The following SEMA5A variants were observed in gnomAD, a reference collection of about 807,000 sequenced individuals.
SEMA5A encodes semaphorin 5A.
Under a neutral mutation model 135.5 loss-of-function variants are expected in SEMA5A, and 55 were observed. That is an observed-to-expected ratio of 0.41 (90% CI 0.33 to 0.51). SEMA5A has a LOEUF of 0.51. Among genes scored for constraint, SEMA5A ranks in the 20% least tolerant of loss-of-function variants. The probability of loss-of-function intolerance (pLI) is 0.37; values close to 1 mark genes in which losing one functional copy is unlikely to be tolerated. For synonymous variants in SEMA5A, 580 were observed against 546.5 expected, an observed-to-expected ratio of 1.06 and a Z score of -0.85; for missense variants, 1,290 against 1,419.9, an observed-to-expected ratio of 0.91 and a Z score of 1.47.
intron 11 of SEMA5A, among the ~76,000 whole-genome samples, chr5:9,181,194 A>G (rs1229387799): frequency 1.3e-5 from 2 of 152,044 alleles, no homozygotes; most frequent in African/African-American, 4.8e-5. Flanking sequence ...AACCTCCCCA[A>G]CTTGGGGACC....
chr5:9,268,040 G>A (rs886098092), intron 5 of SEMA5A, among the ~76,000 whole-genome samples: 2 of 152,058 alleles, frequency 1.3e-5, no homozygotes, highest in Non-Finnish European at 2.9e-5. Context: ...TTAAAAATTT[G>A]AGCCATGTAA....
At chr5:9,216,396 T>C (rs1156566668) in intron 8 of SEMA5A, among the ~76,000 whole-genome samples, 4 of 152,312 alleles carry the variant, frequency 2.6e-5, no homozygotes, top group Non-Finnish European at 4.4e-5. Flanking sequence ...AGGATTGTTT[T>C]ATGTCTAATT....
chr5:9,329,649 C>A (rs1753030650), intron 4 of SEMA5A, among the ~76,000 whole-genome samples: 1 of 152,242 alleles, frequency 6.6e-6, no homozygotes, highest in Admixed American at 6.5e-5. Context: ...CAGTCTGTAG[C>A]ACATGTACAT....
At chr5:9,482,947 T>C (rs1437831058) in intron 1 of SEMA5A, among the ~76,000 whole-genome samples, 2 of 152,254 alleles carry the variant, frequency 1.3e-5, no homozygotes, top group Admixed American at 6.5e-5. Flanking sequence ...TTCTTAGGAA[T>C]TTAAAAATTC....
chr5:9,040,097 A>G lies in SEMA5A; in HGVS notation c.*2800T>C, dbSNP rs901699528. ...ATGTCATTTTACATCAGGTGCAGAA[A>G]GGTGTAGCTTAAAACTATGTGTTGG... On this transcript the variant is annotated 3_prime_UTR_variant, in exon 23 of 23. Transcript: ENST00000382496. The G allele has an allele frequency of 2.5e-4, 38 of 152,262 alleles. No individual in the cohort carries two copies. The highest frequency in any genetic ancestry group is 9.2e-4 in the African/African-American group (38 of 41,468). The allele number at this position is 152,262 out of a possible 1,614,324, so 9.4% of individuals were successfully genotyped here.
At chr5:9,238,563 T>C (rs1748032895) in intron 5 of SEMA5A, among the ~76,000 whole-genome samples, 1 of 152,136 alleles carries the variant, frequency 6.6e-6, no homozygotes, top group Non-Finnish European at 1.5e-5. Flanking sequence ...TGCTTCCACG[T>C]CTGATGCTAA....
At chr5:9,328,725 G>A (rs570769653) in intron 4 of SEMA5A, among the ~76,000 whole-genome samples, 2 of 152,214 alleles carry the variant, frequency 1.3e-5, no homozygotes, top group Admixed American at 6.5e-5. Flanking sequence ...GCAGTGAGCC[G>A]AGATCATACC....
chr5:9,499,995 G>A (rs1735498180), intron 1 of SEMA5A, among the ~76,000 whole-genome samples: 1 of 152,004 alleles, frequency 6.6e-6, no homozygotes, highest in Admixed American at 6.5e-5. Context: ...AAAACAATAA[G>A]AAAATATATG....
At chr5:9,054,279 C>T (rs1736766456) in intron 18 of SEMA5A, 22 bp from the exon 19 acceptor site, 1 of 1,606,072 alleles carries the variant, frequency 6.2e-7, no homozygotes, top group Non-Finnish European at 8.5e-7. Flanking sequence ...CACAATGTCA[C>T]AGCTCTTCTA....
chr5:9,242,856 T>C (rs999897453), intron 5 of SEMA5A, among the ~76,000 whole-genome samples: 8 of 152,234 alleles, frequency 5.3e-5, no homozygotes, highest in Non-Finnish European at 5.9e-5. Context: ...CATCCCACTA[T>C]TTTTTGATTC....
intron 12 of SEMA5A, among the ~76,000 whole-genome samples, chr5:9,151,208 T>C (rs1441294371): frequency 6.6e-6 from 1 of 152,210 alleles, no homozygotes; most frequent in African/African-American, 2.4e-5. Flanking sequence ...TCAGTTATCA[T>C]TTATACACAT....
intron 1 of SEMA5A, among the ~76,000 whole-genome samples, chr5:9,480,968 T>C (rs912584135): frequency 2.0e-5 from 3 of 152,110 alleles, no homozygotes; most frequent in Non-Finnish European, 4.4e-5. Context: ...TTTTTTGAGA[T>C]AGAGTCTCAT....
At chr5:9,287,205 A>G (rs1750840913) in intron 5 of SEMA5A, among the ~76,000 whole-genome samples, 1 of 152,228 alleles carries the variant, frequency 6.6e-6, no homozygotes, top group South Asian at 2.1e-4. Context: ...TCATCTTTAT[A>G]TTAACCCAGG....
At chr5:9,095,683 T>C (rs1739277598) in intron 16 of SEMA5A, among the ~76,000 whole-genome samples, 1 of 152,248 alleles carries the variant, frequency 6.6e-6, no homozygotes, top group Non-Finnish European at 1.5e-5. Context: ...GTAATACCAT[T>C]GGAGGCACTC....
intron 1 of SEMA5A, among the ~76,000 whole-genome samples, chr5:9,482,873 CA>C (rs1048209140): frequency 3.9e-5 from 6 of 152,214 alleles, no homozygotes; most frequent in Non-Finnish European, 5.9e-5. Flanking sequence ...CTTTCCTGAT[CA>C]TTTAGTCTCA....
At chr5:9,211,223 T>C (rs1746329797) in intron 8 of SEMA5A, among the ~76,000 whole-genome samples, 2 of 151,416 alleles carry the variant, frequency 1.3e-5, no homozygotes, top group South Asian at 2.1e-4. Flanking sequence ...AAAGAACTTA[T>C]TGTTCACAAG....
At chr5:9,417,379 T>G (rs901756573) in intron 2 of SEMA5A, among the ~76,000 whole-genome samples, 2 of 152,240 alleles carry the variant, frequency 1.3e-5, no homozygotes, top group Non-Finnish European at 2.9e-5. Flanking sequence ...TTTACTAACT[T>G]TTCTAAAATT....
chr5:9,220,074 G>A (rs1281616399), intron 8 of SEMA5A, among the ~76,000 whole-genome samples: 1 of 152,224 alleles, frequency 6.6e-6, no homozygotes, highest in East Asian at 1.9e-4. Flanking sequence ...AGGAGCTGGA[G>A]ATCATTATTC....
chr5:9,323,167 G>T (rs1418340712), intron 4 of SEMA5A, among the ~76,000 whole-genome samples: 2 of 152,104 alleles, frequency 1.3e-5, no homozygotes, highest in Non-Finnish European at 2.9e-5. Context: ...AAATGAAAGA[G>T]ATAAACTATA....
Sources: gnomAD v4.1 joint callset for allele counts (sites outside exome capture counted in the v4.1 genomes callset) on GRCh38, gnomAD v4.1.1 for gene constraint, MANE v1.5 for transcripts, NCBI Gene and HGNC (gene_info 2026-07-23, HGNC 2026-07-21) for gene names.